The following DENND1A variants were observed in gnomAD, a reference collection of about 807,000 sequenced individuals.
DENND1A encodes DENN domain-containing protein 1A.
A neutral mutation model predicts 113.7 loss-of-function variants in DENND1A; 51 were observed. The ratio of observed to expected loss-of-function variants is 0.45; its 90% CI spans 0.36 to 0.57. DENND1A has a LOEUF of 0.57. DENND1A is among the 20% of genes least tolerant of loss of function. The probability of loss-of-function intolerance (pLI) is 0.00; values close to 1 mark genes in which losing one functional copy is unlikely to be tolerated. For synonymous variants in DENND1A, 565 were observed against 570.8 expected (o/e 0.99, Z 0.14); for missense variants, 1,258 against 1,395.9 (o/e 0.90, Z 1.57).
At chr9:123,688,904 A>T (rs1189996849) in intron 5 of DENND1A, among the ~76,000 whole-genome samples, 2 of 152,192 alleles carry the variant, frequency 1.3e-5, no homozygotes, top group Admixed American at 6.5e-5. Flanking sequence ...TTGTTAAAAA[A>T]ACTCCCTCAA....
At chr9:123,514,065 G>GGTGTGTGTGTGTGTGT (rs775882728) in intron 13 of DENND1A, among the ~76,000 whole-genome samples, 99 of 109,292 alleles carry the variant, frequency 9.1e-4, no homozygotes, top group Middle Eastern at 4.6e-3. Flanking sequence ...TCTATTTTGA[G>GGTGTGTGTGTGTGTGT]GTGTGTGTGT....
At chr9:123,443,951 T>C (rs1051742236) in intron 18 of DENND1A, among the ~76,000 whole-genome samples, 2 of 151,742 alleles carry the variant, frequency 1.3e-5, no homozygotes, top group Non-Finnish European at 2.9e-5. Flanking sequence ...AGTGAGACCC[T>C]GTCTCAAGAA....
At chr9:123,697,018 G>A (rs1226703604) in intron 5 of DENND1A, among the ~76,000 whole-genome samples, 2 of 152,036 alleles carry the variant, frequency 1.3e-5, no homozygotes, top group Non-Finnish European at 2.9e-5. Flanking sequence ...AAATTTAACC[G>A]GCAATTTGGA....
At chr9:123,886,289 A>G (rs970590017) in intron 1 of DENND1A, among the ~76,000 whole-genome samples, 1 of 152,158 alleles carries the variant, frequency 6.6e-6, no homozygotes, top group Admixed American at 6.6e-5. Context: ...ATTAGGAGAA[A>G]AATGTAACAT....
chr9:123,478,624 TACTC>T (rs2050103035), intron 13 of DENND1A, among the ~76,000 whole-genome samples: 1 of 152,242 alleles, frequency 6.6e-6, no homozygotes, highest in African/African-American at 2.4e-5. Context: ...GTCTGTGACT[TACTC>T]AGAAATGCAA....
intron 13 of DENND1A, among the ~76,000 whole-genome samples, chr9:123,489,309 G>A (rs976558903): frequency 1.3e-5 from 2 of 152,212 alleles, no homozygotes; most frequent in African/African-American, 2.4e-5. Context: ...CGTGTGAGCC[G>A]CTAGCACAGC....
intron 5 of DENND1A, among the ~76,000 whole-genome samples, chr9:123,749,860 T>G (rs901288187): frequency 2.6e-5 from 4 of 152,224 alleles, no homozygotes; most frequent in African/African-American, 9.6e-5. Context: ...GGAAGTGTTC[T>G]GTTTCCAAAA....
At chr9:123,624,756 C>T (rs2061124215) in intron 10 of DENND1A, among the ~76,000 whole-genome samples, 1 of 152,156 alleles carries the variant, frequency 6.6e-6, no homozygotes, top group South Asian at 2.1e-4. Flanking sequence ...CATCAATGCC[C>T]TTGGTCAGGC....
At chr9:123,554,726 T>C (rs540657292) in intron 13 of DENND1A, among the ~76,000 whole-genome samples, 1 of 152,312 alleles carries the variant, frequency 6.6e-6, no homozygotes, top group African/African-American at 2.4e-5. Context: ...CATTGTAACA[T>C]TTCTGAAATC....
intron 3 of DENND1A, among the ~76,000 whole-genome samples, chr9:123,788,068 G>A (rs1832459015): frequency 6.6e-6 from 1 of 152,098 alleles, no homozygotes; most frequent in Non-Finnish European, 1.5e-5. Flanking sequence ...AAGTGTGGAT[G>A]AGCACACTGG....
rs185029790 is a variant in DENND1A, at chr9:123,503,596, A to G, written c.994-45699T>C. ...ACATATCAGCATTGAGAAGGTATAG[A>G]TTACATTCAGAGGAGATTCTCCTTG... On this transcript the variant is annotated intron_variant, in intron 13 of 23. Transcript: ENST00000394215. 4.3e-4 allele frequency among the ~76,000 whole-genome samples: 66 copies of G among 152,344 alleles called. 1 individual carries two copies. Among genetic ancestry groups the G allele is most frequent in the African/African-American group, 1.3e-3 (54 of 41,566 alleles).
chr9:123,675,737 T>C (rs949530133), intron 6 of DENND1A, among the ~76,000 whole-genome samples: 4 of 152,126 alleles, frequency 2.6e-5, no homozygotes, highest in Non-Finnish European at 5.9e-5. Flanking sequence ...CTGATGAGAG[T>C]ATCGTGACCC....
chr9:123,509,125 T>C (rs1046716478), intron 13 of DENND1A, among the ~76,000 whole-genome samples: 22 of 152,174 alleles, frequency 1.4e-4, no homozygotes, highest in African/African-American at 5.3e-4. Context: ...GAGTAGGGGA[T>C]GGCTCACATG....
At chr9:123,602,311 A>G in intron 11 of DENND1A, among the ~76,000 whole-genome samples, 1 of 152,260 alleles carries the variant, frequency 6.6e-6, no homozygotes, top group East Asian at 1.9e-4. Flanking sequence ...AATTATACAA[A>G]TATTATACAA....
intron 5 of DENND1A, among the ~76,000 whole-genome samples, chr9:123,697,908 G>C (rs1007165011): frequency 1.4e-4 from 21 of 152,148 alleles, no homozygotes; most frequent in African/African-American, 5.1e-4. Flanking sequence ...ACAACCTTTA[G>C]GCTGTTTAAA....
At chr9:123,670,911 G>T (rs772297933) in intron 7 of DENND1A, among the ~76,000 whole-genome samples, 1 of 152,192 alleles carries the variant, frequency 6.6e-6, no homozygotes, top group Non-Finnish European at 1.5e-5. Flanking sequence ...GAGGGTACAG[G>T]ATGGGCTTCA....
At position 123,840,085 on chromosome 9, in the gene DENND1A, A is replaced by ATT. The variant is rs79381893; in HGVS notation, c.88+38864_88+38865dup. On this transcript the variant is annotated intron_variant, in intron 2 of 23. Transcript: ENST00000394215. ...CCCCATGTTTCAAGTGTTTTTGTCT[A>ATT]TTTTTTTTTTTTTTCAAGAATTCTG... 3.4e-4 allele frequency among the ~76,000 whole-genome samples: 47 copies of ATT among 137,464 alleles called. 1 individual carries two copies. Among genetic ancestry groups the ATT allele is most frequent in the South Asian group, 1.2e-3 (5 of 4,308 alleles). The allele number at this position is 137,464 out of a possible 152,430, so 90.2% of individuals were successfully genotyped here. A position where few individuals can be genotyped will look rare whatever the true frequency, so the allele number is the denominator to read the frequency against.
intron 21 of DENND1A, among the ~76,000 whole-genome samples, chr9:123,394,338 C>T (rs537979815): frequency 3.9e-5 from 6 of 152,154 alleles, no homozygotes; most frequent in Non-Finnish European, 7.4e-5. Flanking sequence ...CCGAGAGGGG[C>T]AGGCACAGGG....
At chr9:123,532,599 A>C (rs999119526) in intron 13 of DENND1A, among the ~76,000 whole-genome samples, 5 of 152,234 alleles carry the variant, frequency 3.3e-5, no homozygotes, top group Non-Finnish European at 7.3e-5. Flanking sequence ...TCAAGTATGA[A>C]GGTAGGCTCT....
Sources: allele counts gnomAD v4.1 joint callset (sites outside exome capture counted in the v4.1 genomes callset), GRCh38; gene constraint gnomAD v4.1.1; transcripts MANE v1.5; gene names NCBI Gene and HGNC (gene_info 2026-07-23, HGNC 2026-07-21).